Variants in PLCG2 observed in about 807,000 individuals in gnomAD.
PLCG2 encodes the protein phospholipase C gamma 2, also known as 1-phosphatidylinositol 4,5-bisphosphate phosphodiesterase gamma-2.
PLCG2 carries 69 observed loss-of-function variants against 175.6 expected under a neutral mutation model. That is an observed-to-expected ratio of 0.39 (90% CI 0.32 to 0.48). PLCG2 has a LOEUF of 0.48. Among genes scored for constraint, PLCG2 ranks in the 20% least tolerant of loss-of-function variants. PLCG2 has a pLI of 0.91. For synonymous variants in PLCG2, 827 were observed against 624.0 expected (o/e 1.33, Z -4.85); for missense variants, 1,798 against 1,650.9 (o/e 1.09, Z -1.54).
At chr16:81,837,987 C>T (rs1381097746) in intron 2 of PLCG2, among the ~76,000 whole-genome samples, 1 of 152,162 alleles carries the variant, frequency 6.6e-6, no homozygotes, top group African/African-American at 2.4e-5. Flanking sequence ...CATCCTATAT[C>T]TGCCATCATA....
chr16:81,779,184 G>C (rs1472527250), upstream of PLCG2: 1 of 152,176 alleles, frequency 6.6e-6, no homozygotes, highest in Non-Finnish European at 1.5e-5. Context: ...TGCGCTCCGA[G>C]AGGCGGACCC....
chr16:81,836,452 A>G (rs965844983), intron 2 of PLCG2, among the ~76,000 whole-genome samples: 2 of 152,130 alleles, frequency 1.3e-5, no homozygotes, highest in Admixed American at 6.6e-5. Context: ...TAAGAGTGCA[A>G]GCTTTGGGCC....
Position 81,938,736 on chromosome 16 carries a change from A to C in PLCG2, c.3199-65A>C, listed in dbSNP as rs1339822969. 3 of 914,618 alleles carry C rather than the reference A, an allele frequency of 3.3e-6. No homozygotes were observed. The East Asian group carries it at 7.2e-5, about 22-fold the overall frequency. The allele number at this position is 914,618 out of a possible 1,614,324, so 56.7% of individuals were successfully genotyped here. On this transcript the variant is annotated intron_variant, in intron 28 of 32. Coordinates refer to ENST00000564138, the MANE Select transcript of PLCG2 (RefSeq NM_002661.5). Reference sequence around the variant, plus strand: ...CAGTGTCACTCTAGAACCCAGCTGCAATCCACGCTAGGCTGCCTGTTCAGG... The same window carrying C: ...CAGTGTCACTCTAGAACCCAGCTGCCATCCACGCTAGGCTGCCTGTTCAGG...
intron 5 of PLCG2, among the ~76,000 whole-genome samples, chr16:81,866,438 C>T (rs1476629254): frequency 1.3e-5 from 1 of 78,228 alleles, no homozygotes; most frequent in African/African-American, 3.8e-5. Flanking sequence ...ACTGGGGCAC[C>T]AGCATGAGAG....
At chr16:81,786,220 C>G in intron 2 of PLCG2, 38 bp downstream of exon 2, 1 of 1,557,654 alleles carries the variant, frequency 6.4e-7, no homozygotes, top group Non-Finnish European at 8.8e-7. Context: ...GGCCCGTCCT[C>G]TGGGGCCCTG....
chr16:81,803,527 C>CTCTTTCT (rs1491300745), intron 2 of PLCG2, among the ~76,000 whole-genome samples: 3 of 148,954 alleles, frequency 2.0e-5, no homozygotes, highest in Non-Finnish European at 4.4e-5. Flanking sequence ...TCTTTCTTTC[C>CTCTTTCT]TTTCTTTCTT....
intron 26 of PLCG2, 33 bp from the exon 27 acceptor site, chr16:81,936,136 A>T: frequency 6.2e-7 from 1 of 1,611,676 alleles, no homozygotes; most frequent in Non-Finnish European, 8.5e-7. Flanking sequence ...GATGAGACAC[A>T]GAAGTACTGA....
intron 31 of PLCG2, among the ~76,000 whole-genome samples, chr16:81,956,233 CT>C (rs561022449): frequency 1.4e-4 from 22 of 152,240 alleles, no homozygotes; most frequent in Non-Finnish European, 3.1e-4. Flanking sequence ...GTTACCTTGC[CT>C]TTTAAGGCCC....
intron 24 of PLCG2, 138 bp downstream of exon 24, chr16:81,928,762 A>T: frequency 1.5e-6 from 1 of 675,872 alleles, no homozygotes; most frequent in Non-Finnish European, 2.8e-6. Context: ...GAAGCTGAGT[A>T]TTTAGGTCAG....
intron 2 of PLCG2, among the ~76,000 whole-genome samples, chr16:81,760,599 T>C (rs1253250807): frequency 6.6e-6 from 1 of 151,870 alleles, no homozygotes; most frequent in Non-Finnish European, 1.5e-5. Context: ...CCAAAAAGAA[T>C]GGCAGAGCCC....
intron 3 of PLCG2, among the ~76,000 whole-genome samples, chr16:81,855,633 G>T (rs1906645521): frequency 6.6e-6 from 1 of 152,174 alleles, no homozygotes; most frequent in Non-Finnish European, 1.5e-5. Context: ...CAGTCGACTT[G>T]GGGAGACAGA....
At chr16:81,935,522 T>C (rs1212501884) in intron 26 of PLCG2, 2 of 985,174 alleles carry the variant, frequency 2.0e-6, no homozygotes, top group Non-Finnish European at 2.4e-6. Context: ...GCTGCTTCCA[T>C]ATCTTTCATC....
intron 19 of PLCG2, 56 bp downstream of exon 19, chr16:81,912,772 G>A: frequency 9.3e-6 from 14 of 1,507,472 alleles, no homozygotes; most frequent in Non-Finnish European, 1.2e-5. Context: ...AAGGACAGAT[G>A]CGGAGAGACA....
intron 2 of PLCG2, among the ~76,000 whole-genome samples, chr16:81,846,487 C>G (rs558373248): frequency 6.6e-6 from 1 of 152,336 alleles, no homozygotes; most frequent in Admixed American, 6.5e-5. Flanking sequence ...AGCACTCTGC[C>G]TAACACAGAG....
At chr16:81,793,964 A>C (rs1350451949) in intron 2 of PLCG2, among the ~76,000 whole-genome samples, 2 of 152,208 alleles carry the variant, frequency 1.3e-5, no homozygotes, top group Non-Finnish European at 2.9e-5. Context: ...TCAAAGACGT[A>C]TCAGATCTGT....
chr16:81,798,558 A>G (rs150454792), intron 2 of PLCG2: 1 of 152,144 alleles, frequency 6.6e-6, no homozygotes, highest in African/African-American at 2.4e-5. Context: ...CCTGGGGGCC[A>G]CTCCACTGTC....
intron 32 of PLCG2, among the ~76,000 whole-genome samples, chr16:81,957,296 C>G (rs1911613625): frequency 9.5e-6 from 1 of 105,266 alleles, no homozygotes; most frequent in African/African-American, 3.9e-5. Flanking sequence ...GAGACTCTGT[C>G]AAACAAACAA....
rs1911750561 is a variant in PLCG2, at chr16:81,960,734, T to C, written c.*2736T>C. 1 of 229,334 alleles carries C rather than the reference T, an allele frequency of 4.4e-6. No individual in the cohort carries two copies. The highest frequency in any genetic ancestry group is 6.2e-5 in the East Asian group (1 of 16,094). The allele number at this position is 229,334 out of a possible 1,614,324, so 14.2% of individuals were successfully genotyped here. A position where few individuals can be genotyped will look rare whatever the true frequency, so the allele number is the denominator to read the frequency against. ...GGACAACATGTTCTAATACTTCGTA[T>C]GCTTTGTGACCTAGTTAAAATCTAA... On this transcript the variant is annotated 3_prime_UTR_variant, in exon 33 of 33. Transcript: ENST00000564138.
At chr16:81,814,447 C>T (rs1350432239) in intron 2 of PLCG2, among the ~76,000 whole-genome samples, 1 of 152,066 alleles carries the variant, frequency 6.6e-6, no homozygotes, top group African/African-American at 2.4e-5. Flanking sequence ...AATCCCAGCA[C>T]TTGTGGAGAT....
Sources: gnomAD v4.1 joint callset for allele counts (sites outside exome capture counted in the v4.1 genomes callset) on GRCh38, gnomAD v4.1.1 for gene constraint, MANE v1.5 for transcripts, NCBI Gene and HGNC (gene_info 2026-07-23, HGNC 2026-07-21) for gene names.